ADAM18: variants seen among roughly 807,000 people sequenced by gnomAD.
The protein encoded by ADAM18 is ADAM metallopeptidase domain 18, also known as disintegrin and metalloproteinase domain-containing protein 18.
In ADAM18, 117 loss-of-function variants were observed where a neutral mutation model predicts 94.4. The observed-to-expected ratio is 1.24, with a 90% CI of 1.07 to 1.45. The LOEUF is 1.45. Among genes scored for constraint, ADAM18 ranks in the 40% most tolerant of loss-of-function variants. The pLI is 0.00. For synonymous variants in ADAM18, 327 were observed against 291.6 expected, an observed-to-expected ratio of 1.12 and a Z score of -1.24; for missense variants, 936 against 880.0, an observed-to-expected ratio of 1.06 and a Z score of -0.81.
chr8:39,658,819 T>A lies in ADAM18; in HGVS notation c.1231-4976T>A, dbSNP rs945537495. 3.4e-4 allele frequency among the ~76,000 whole-genome samples: 51 copies of A among 152,198 alleles called. 1 individual carries two copies. Among genetic ancestry groups the A allele is most frequent in the Non-Finnish European group, 6.8e-4 (46 of 68,020 alleles). ...GCATTAGGGAGGGTTGAAAATGGAA[T>A]AATGCTTCTGGAGAGTACCGTACAT... is the stretch of plus-strand genomic sequence containing the variant. On this transcript the variant is annotated intron_variant, in intron 12 of 19. Coordinates refer to ENST00000265707, the MANE Select transcript of ADAM18 (RefSeq NM_014237.3).
At chr8:39,641,244 C>A (rs2198202) in intron 10 of ADAM18, among the ~76,000 whole-genome samples, 1 of 152,020 alleles carries the variant, frequency 6.6e-6, no homozygotes, top group African/African-American at 2.4e-5. Context: ...CTCCCAGCAC[C>A]ATTTATTAAA....
At chr8:39,670,573 G>A (rs1355148614) in intron 14 of ADAM18, among the ~76,000 whole-genome samples, 2 of 152,194 alleles carry the variant, frequency 1.3e-5, no homozygotes, top group African/African-American at 4.8e-5. Context: ...ATTATACATC[G>A]AGTGTCTAAA....
chr8:39,700,102 A>G (rs939785922), intron 17 of ADAM18, among the ~76,000 whole-genome samples: 7 of 152,224 alleles, frequency 4.6e-5, no homozygotes, highest in Non-Finnish European at 7.3e-5. Context: ...ATTAACTACA[A>G]TGTGATTTTT....
intron 2 of ADAM18, among the ~76,000 whole-genome samples, chr8:39,602,378 A>G (rs920712776): frequency 9.2e-5 from 14 of 152,126 alleles, no homozygotes; most frequent in Admixed American, 6.6e-4. Context: ...AAGCCATGCT[A>G]TAGAGTTTAA....
intron 6 of ADAM18, among the ~76,000 whole-genome samples, chr8:39,626,613 A>G (rs1345031969): frequency 6.6e-6 from 1 of 151,944 alleles, no homozygotes; most frequent in East Asian, 1.9e-4. Context: ...TACTATTATC[A>G]TTCATTTTGA....
At chr8:39,643,761 T>C (rs1386302860) in intron 10 of ADAM18, among the ~76,000 whole-genome samples, 1 of 151,882 alleles carries the variant, frequency 6.6e-6, no homozygotes, top group Admixed American at 6.6e-5. Flanking sequence ...AAGTTCTTTC[T>C]GTGTCTCTGT....
At chr8:39,713,499 A>C (rs1348807772) in intron 18 of ADAM18, among the ~76,000 whole-genome samples, 1 of 152,228 alleles carries the variant, frequency 6.6e-6, no homozygotes, top group Non-Finnish European at 1.5e-5. Context: ...CCAGGTGAAC[A>C]GGCAACCTAC....
At chr8:39,721,829 T>C (rs2129581794) in intron 18 of ADAM18, among the ~76,000 whole-genome samples, 1 of 151,536 alleles carries the variant, frequency 6.6e-6, no homozygotes, top group Middle Eastern at 3.4e-3. Flanking sequence ...ACTATAACCA[T>C]GGAAAACAGT....
chr8:39,668,294 C>A, intron 14 of ADAM18, 98 bp downstream of exon 14: 1 of 1,137,694 alleles, frequency 8.8e-7, no homozygotes, highest in Non-Finnish European at 1.2e-6. Context: ...AGAAACTGAA[C>A]CACAAGATTA....
intron 17 of ADAM18, among the ~76,000 whole-genome samples, chr8:39,705,897 A>C (rs901063643): frequency 6.6e-6 from 1 of 152,102 alleles, no homozygotes; most frequent in African/African-American, 2.4e-5. Flanking sequence ...AGTTCATAGT[A>C]TATTGTTATG....
At chr8:39,622,564 G>A (rs1819644452) in intron 6 of ADAM18, among the ~76,000 whole-genome samples, 1 of 151,786 alleles carries the variant, frequency 6.6e-6, no homozygotes, top group Admixed American at 6.6e-5. Flanking sequence ...TTTAATCATT[G>A]AGAATTTGTC....
At chr8:39,711,582 A>G (rs897861160) in intron 18 of ADAM18, among the ~76,000 whole-genome samples, 2 of 152,188 alleles carry the variant, frequency 1.3e-5, no homozygotes, top group South Asian at 2.1e-4. Flanking sequence ...GAACTGAACA[A>G]ATTCTGGAGC....
At chr8:39,607,782 G>GT (rs1819135156) in intron 3 of ADAM18, among the ~76,000 whole-genome samples, 2 of 147,014 alleles carry the variant, frequency 1.4e-5, no homozygotes, top group African/African-American at 5.0e-5. Context: ...TCGAATCTTA[G>GT]AGTACTCCAT....
At chr8:39,648,779 T>C (rs1820452083) in intron 12 of ADAM18, among the ~76,000 whole-genome samples, 1 of 152,166 alleles carries the variant, frequency 6.6e-6, no homozygotes, top group Non-Finnish European at 1.5e-5. Flanking sequence ...TTTGAATATA[T>C]TGGCTAAATG....
chr8:39,621,131 A>G (rs1034785189), intron 6 of ADAM18, among the ~76,000 whole-genome samples: 1 of 152,154 alleles, frequency 6.6e-6, no homozygotes, highest in South Asian at 2.1e-4. Flanking sequence ...GAGGCATTTC[A>G]CTGAAAAGGA....
chr8:39,707,983 C>T (rs562571885), intron 18 of ADAM18, among the ~76,000 whole-genome samples: 1 of 152,212 alleles, frequency 6.6e-6, no homozygotes, highest in South Asian at 2.1e-4. Flanking sequence ...TAACAGTCAA[C>T]CTGATAACCA....
intron 6 of ADAM18, among the ~76,000 whole-genome samples, chr8:39,626,524 T>C (rs1819774846): frequency 6.6e-6 from 1 of 152,004 alleles, no homozygotes; most frequent in African/African-American, 2.4e-5. Context: ...TTCAGTCTTT[T>C]TGATGTAGGC....
At chr8:39,669,121 G>T (rs1585962062) in intron 14 of ADAM18, among the ~76,000 whole-genome samples, 1 of 150,910 alleles carries the variant, frequency 6.6e-6, no homozygotes, top group Non-Finnish European at 1.5e-5. Context: ...TTTAAGCAGG[G>T]TTTAAAATAT....
intron 18 of ADAM18, among the ~76,000 whole-genome samples, chr8:39,707,841 T>A (rs1463858300): frequency 2.0e-5 from 3 of 152,186 alleles, no homozygotes; most frequent in African/African-American, 7.2e-5. Flanking sequence ...TCAAGAGTAT[T>A]CACCCTTTTC....
Sources: allele counts gnomAD v4.1 joint callset (sites outside exome capture counted in the v4.1 genomes callset), GRCh38; gene constraint gnomAD v4.1.1; transcripts MANE v1.5; gene names NCBI Gene and HGNC (gene_info 2026-07-23, HGNC 2026-07-21).